The following ELMO3 variants were observed in gnomAD, a reference collection of about 807,000 sequenced individuals.
ELMO3 encodes the protein engulfment and cell motility 3.
Under a neutral mutation model 89.0 loss-of-function variants are expected in ELMO3, and 81 were observed. The ratio of observed to expected loss-of-function variants is 0.91; its 90% CI spans 0.76 to 1.09. The LOEUF (loss-of-function observed/expected upper bound fraction) is 1.09. Ranked by LOEUF, ELMO3 falls within the 50% of genes least tolerant of loss-of-function variation. The pLI, the probability that ELMO3 is intolerant of heterozygous loss-of-function variation, is 0.00. For synonymous variants in ELMO3, 406 were observed against 400.6 expected (o/e 1.01, Z -0.16); for missense variants, 959 against 972.8 (o/e 0.99, Z 0.19).
chr16:67,200,183 TC>T lies in ELMO3; in HGVS notation c.244-7del, dbSNP rs763969040. 6.2e-7 allele frequency: 1 copy of T among 1,609,712 alleles called. No homozygotes were observed. The highest frequency in any genetic ancestry group is 1.1e-5 in the South Asian group (1 of 90,860). ...CTCTTCACCTCTGCTCCTGCTCCGT[TC>T]CTGCCAGGACCTTGAGGCTGAGCAG... On this transcript the variant is annotated splice_polypyrimidine_tract_variant and splice_region_variant and intron_variant, in intron 4 of 19. Coordinates refer to ENST00000393997, the MANE Select transcript of ELMO3 (RefSeq NM_024712.5).
chr16:67,199,809 C>T, intron 3 of ELMO3, 53 bp downstream of exon 3: 1 of 1,604,528 alleles, frequency 6.2e-7, no homozygotes, highest in Non-Finnish European at 8.5e-7. Flanking sequence ...CTCTAACCCA[C>T]CTGGCCCCGA....
chr16:67,202,814 C>T (rs1233272885), intron 15 of ELMO3, 24 bp downstream of exon 15: 1 of 1,611,318 alleles, frequency 6.2e-7, no homozygotes, highest in East Asian at 2.2e-5. Flanking sequence ...GATGGATCCT[C>T]AGTCCTAGCC....
At chr16:67,199,622 A>G in intron 2 of ELMO3, 29 bp downstream of exon 2, 1 of 1,607,800 alleles carries the variant, frequency 6.2e-7, no homozygotes, top group Non-Finnish European at 8.5e-7. Context: ...GGGCCTGCGG[A>G]GGGCGGGAGG....
In ELMO3 at chr16:67,202,007, G is replaced by A. The variant is rs375789407; in HGVS notation, c.1081G>A (p.Val361Met). The change falls in exon 12 of 20, where the codon GTG becomes ATG. Residue 361 changes from valine to methionine, a missense_variant. Transcript: ENST00000393997. ...CAACCCAGCACAGGACCTGGAGCGC[G>A]TGCCCCCCGGTCTGCTGGCCCTGGA... The part of the protein sequence containing the change: ...NSNPAQDLER[V>M]PPGLLALDNM... 2.4e-5 allele frequency: 38 copies of A among 1,613,188 alleles called. No individual in the cohort carries two copies. Among genetic ancestry groups the A allele is most frequent in the Middle Eastern group, 1.6e-4 (1 of 6,082 alleles).
chr16:67,200,576 G>C (rs899092457), intron 6 of ELMO3, 26 bp downstream of exon 6: 1 of 1,613,386 alleles, frequency 6.2e-7, no homozygotes, highest in Non-Finnish European at 8.5e-7. Context: ...TAGGGCAGCG[G>C]GTGGGGGCAG....
chr16:67,201,320 G>C (rs1416325161), intron 8 of ELMO3, 65 bp from the exon 9 acceptor site: 5 of 1,601,614 alleles, frequency 3.1e-6, no homozygotes, highest in Non-Finnish European at 4.3e-6. Flanking sequence ...GCCTCCCAAA[G>C]TGCTGGGATT....
Position 67,202,393 on chromosome 16 carries a change from C to G in ELMO3, c.1262-4C>G. On this transcript the variant is annotated splice_region_variant and splice_polypyrimidine_tract_variant and intron_variant, in intron 13 of 19. Transcript: ENST00000393997. ...CCTGAGCCCCTCCTGCCCCCCCACT[C>G]CAGGCTCTGAGACAGCCCAGGACTT... 1 of 1,613,820 alleles carries G rather than the reference C, an allele frequency of 6.2e-7. No individual in the cohort carries two copies.
At position 67,203,140 on chromosome 16, in the gene ELMO3, T is replaced by G. The variant is rs921462504; in HGVS notation, c.1697T>G (p.Leu566Arg). Residue 566 changes from leucine to arginine, a missense_variant, in exon 17 of 20, where the codon CTG (leucine) becomes CGG (arginine). By Grantham distance (102) the Leu-to-Arg change is moderately radical (BLOSUM62 -2). Transcript: ENST00000393997. The surrounding 1 kb of genome is among the most constrained non-coding windows in gnomAD (Gnocchi z 4.6). ...GCAGATAAGCTGTGGTTCTGCTGCC[T>G]GTCCCCCAACCACAAGCTGCTGCAG... is the stretch of plus-strand genomic sequence containing the variant. ...RRQDKLWFCC[L>R]SPNHKLLQYG... 1 of 1,611,916 alleles carries G rather than the reference T, an allele frequency of 6.2e-7. No homozygotes were observed. Among genetic ancestry groups the G allele is most frequent in the South Asian group, 1.1e-5 (1 of 90,858 alleles).
chr16:67,201,471 C>T, intron 9 of ELMO3, 36 bp downstream of exon 9: 2 of 1,614,004 alleles, frequency 1.2e-6, no homozygotes. Flanking sequence ...CTCTCTGCCC[C>T]TCCCTCCCCG....
rs746931182 is a variant in ELMO3, at chr16:67,201,817, A to G, written c.994A>G (p.Ser332Gly). The change falls in exon 11 of 20, where the codon AGT becomes GGT. Residue 332 changes from serine to glycine, a missense_variant. Ser to Gly is a moderately conservative substitution (Grantham distance 56). Coordinates refer to ENST00000393997, the MANE Select transcript of ELMO3 (RefSeq NM_024712.5). ...GGGGGAGTCCTCGGGTGCCGGGCTA[A>G]GTGCTGACCGTCGCCGTTCCCTCTG... ...VEGESSGAGLSADRRRSLCAR... is the reference protein window; with the variant it reads ...VEGESSGAGLGADRRRSLCAR... 13 of 1,611,970 alleles carry G rather than the reference A, an allele frequency of 8.1e-6. No homozygotes were observed. Among genetic ancestry groups the G allele is most frequent in the Non-Finnish European group, 1.0e-5 (12 of 1,179,952 alleles).
At chr16:67,199,504 TC>T in intron 1 of ELMO3, 48 bp from the exon 2 acceptor site, 2 of 786,834 alleles carry the variant, frequency 2.5e-6, no homozygotes, top group Non-Finnish European at 3.6e-6. Flanking sequence ...CCCAGGCTCC[TC>T]CCCATCCCTC....
In ELMO3 at chr16:67,201,774, G is replaced by A; in HGVS notation, c.951G>A (p.Gln317=). 6.2e-7 allele frequency: 1 copy of A among 1,611,488 alleles called. No homozygotes were observed. Among genetic ancestry groups the A allele is most frequent in the Non-Finnish European group, 8.5e-7 (1 of 1,180,018 alleles). ...GGGAGCAGCTGCAGGTCCTACGCCA[G>A]GCTGCCTTCGAGGTGGAGGGGGAGT... is the stretch of plus-strand genomic sequence containing the variant. ...EQREQLQVLR[Q]AAFEVEGESS... Residue 317 remains glutamine, a synonymous_variant, in exon 11 of 20, where the codon CAG becomes CAA. Transcript: ENST00000393997.
In ELMO3 at chr16:67,203,230, C is replaced by A. The variant is rs1467022515; in HGVS notation, c.1780+7C>A. 6.2e-7 allele frequency: 1 copy of A among 1,600,570 alleles called. No homozygotes were observed. The highest frequency in any genetic ancestry group is 2.2e-5 in the East Asian group (1 of 44,610). ...GAGAGTCTGCCCGAGCAACGTAAGG[C>A]GGGCAGGGGCGGGGGCCAGATACCT... On this transcript the variant is annotated splice_region_variant and intron_variant, in intron 17 of 19. Transcript: ENST00000393997. This position sits in a 1 kb window ranked among gnomAD's most constrained non-coding sequence, Gnocchi z 4.6.
chr16:67,201,679 T>A (rs1052344385), intron 10 of ELMO3, 37 bp downstream of exon 10: 6 of 1,608,882 alleles, frequency 3.7e-6, no homozygotes, highest in Non-Finnish European at 5.1e-6. Context: ...AGGGGGTGGC[T>A]TAGAGCTTGG....
Position 67,199,949 on chromosome 16 carries a change from A to G in ELMO3, c.193-2A>G. 6.2e-7 allele frequency: 1 copy of G among 1,613,864 alleles called. No individual in the cohort carries two copies. Among genetic ancestry groups the G allele is most frequent in the Non-Finnish European group, 8.5e-7 (1 of 1,180,004 alleles). On this transcript the variant is annotated splice_acceptor_variant, in intron 3 of 19. Transcript: ENST00000393997. LOFTEE classifies it high-confidence loss of function. ...CGCTGCCTTTTCTGCTGTCTTCTCC[A>G]GAACCGCGCGGAGATCAAGAATGGC...
At chr16:67,202,574 G>C (rs908737162) in intron 14 of ELMO3, 41 bp downstream of exon 14, 1 of 1,612,646 alleles carries the variant, frequency 6.2e-7, no homozygotes, top group East Asian at 2.2e-5. Flanking sequence ...CCAGGGCAGG[G>C]GGCTGATCTG....
rs1567692176 is a variant in ELMO3, at chr16:67,201,724, AC to A, written c.919-15del. 1.9e-6 allele frequency: 3 copies of A among 1,608,410 alleles called. No homozygotes were observed. Among genetic ancestry groups the A allele is most frequent in the Non-Finnish European group, 2.5e-6 (3 of 1,179,966 alleles). ...TATAATCTTGATCCCCTCCCCCGCC[AC>A]CCAACACTGACCCCAGGAGCAGCGG... On this transcript the variant is annotated splice_polypyrimidine_tract_variant and intron_variant, in intron 10 of 19. Transcript: ENST00000393997.
chr16:67,203,422 G>A lies in ELMO3; in HGVS notation c.1863+13G>A. 1.2e-6 allele frequency: 2 copies of A among 1,612,850 alleles called. No individual in the cohort carries two copies. Among genetic ancestry groups the A allele is most frequent in the Non-Finnish European group, 8.5e-7 (1 of 1,179,664 alleles). On this transcript the variant is annotated intron_variant, in intron 18 of 19. Coordinates refer to ENST00000393997, the MANE Select transcript of ELMO3 (RefSeq NM_024712.5). The surrounding 1 kb of genome is among the most constrained non-coding windows in gnomAD (Gnocchi z 4.6). ...GAAGCAGAACAAGGTGAGTACAGCG[G>A]GCCAGGGGCTCCTTCCCACCCGCCC... is the stretch of plus-strand genomic sequence containing the variant.
Position 67,202,551 on chromosome 16 carries a change from T to C in ELMO3, c.1398+18T>C, listed in dbSNP as rs1277112120. 3.1e-6 allele frequency: 5 copies of C among 1,611,656 alleles called. No homozygotes were observed. The highest frequency in any genetic ancestry group is 1.7e-4 in the Middle Eastern group (1 of 6,060). ...TCGACAAGGTGGGTGGGGTGGGAGC[T>C]GGGAGGCCTGGGCCAGGGCAGGGGG... On this transcript the variant is annotated intron_variant, in intron 14 of 19. Transcript: ENST00000393997.
Sources: allele counts gnomAD v4.1 joint callset, GRCh38; gene constraint gnomAD v4.1.1; non-coding constraint Gnocchi (gnomAD v3.1); transcripts MANE v1.5; gene names NCBI Gene and HGNC (gene_info 2026-07-23, HGNC 2026-07-21).